The following RUNDC3B variants were observed in gnomAD, a reference collection of about 807,000 sequenced individuals.
RUNDC3B encodes the protein RUN domain containing 3B, also known as RUN domain-containing protein 3B.
RUNDC3B carries 33 observed loss-of-function variants against 58.4 expected under a neutral mutation model. The observed-to-expected ratio is 0.56, with a 90% CI of 0.43 to 0.75. RUNDC3B has a LOEUF of 0.75. Among genes scored for constraint, RUNDC3B ranks in the 30% least tolerant of loss-of-function variants. RUNDC3B has a pLI of 0.00. For synonymous variants in RUNDC3B, 193 were observed against 195.2 expected, an observed-to-expected ratio of 0.99 and a Z score of 0.10; for missense variants, 501 against 535.7, an observed-to-expected ratio of 0.94 and a Z score of 0.64.
chr7:87,775,717 A>G (rs1391565505), intron 7 of RUNDC3B, among the ~76,000 whole-genome samples: 1 of 152,032 alleles, frequency 6.6e-6, no homozygotes, highest in East Asian at 1.9e-4. Context: ...TCCCTTTTCT[A>G]TGTTTAGATA....
chr7:87,659,140 C>A (rs188446121), intron 2 of RUNDC3B: 11 of 371,784 alleles, frequency 3.0e-5, no homozygotes, highest in Admixed American at 1.6e-4. Context: ...CTAGCCTGGG[C>A]AATAGAATGA....
chr7:87,644,764 GAT>G (rs147569892), intron 1 of RUNDC3B, among the ~76,000 whole-genome samples: 4 of 150,912 alleles, frequency 2.7e-5, no homozygotes, highest in African/African-American at 4.9e-5. Context: ...TGTATATATG[GAT>G]ATATATATAT....
chr7:87,770,770 C>T lies in RUNDC3B; in HGVS notation c.798+21C>T, dbSNP rs115906569. The T allele has an allele frequency of 9.9e-4, 1,541 of 1,553,792 alleles. 16 individuals are homozygous for T. In the African/African-American group the frequency reaches 0.017, roughly 18 times the overall value. On this transcript the variant is annotated intron_variant, in intron 7 of 10. Coordinates refer to ENST00000394654, the MANE Select transcript of RUNDC3B (RefSeq NM_001134405.2). ...AGAAGGTATTTTAAAATTATCAAAA[C>T]GTACTTAATTTTATTCTAGTTATTG...
chr7:87,677,449 A>G (rs966730173), intron 2 of RUNDC3B, among the ~76,000 whole-genome samples: 1 of 152,140 alleles, frequency 6.6e-6, no homozygotes, highest in Non-Finnish European at 1.5e-5. Context: ...GATCTCATGT[A>G]TTAGATATGG....
At chr7:87,812,328 G>C (rs1242785960) in intron 9 of RUNDC3B, among the ~76,000 whole-genome samples, 2 of 152,132 alleles carry the variant, frequency 1.3e-5, no homozygotes, top group Admixed American at 6.5e-5. Flanking sequence ...TTTAACAATG[G>C]CTGGGCACAG....
intron 8 of RUNDC3B, among the ~76,000 whole-genome samples, chr7:87,806,654 A>G (rs1490940369): frequency 6.6e-6 from 1 of 152,192 alleles, no homozygotes; most frequent in Non-Finnish European, 1.5e-5. Flanking sequence ...TTCTAAGTTG[A>G]TATTAGGAAG....
chr7:87,742,953 A>G (rs1832425532), intron 6 of RUNDC3B, among the ~76,000 whole-genome samples: 1 of 152,116 alleles, frequency 6.6e-6, no homozygotes, highest in African/African-American at 2.4e-5. Flanking sequence ...CTCTACTAAA[A>G]ATACAAAAAA....
At chr7:87,635,231 C>G (rs1821642052) in intron 1 of RUNDC3B, among the ~76,000 whole-genome samples, 1 of 152,128 alleles carries the variant, frequency 6.6e-6, no homozygotes. Flanking sequence ...CTGCATTGCT[C>G]CACACTCTTC....
At chr7:87,737,484 C>T (rs78598021) in intron 4 of RUNDC3B, among the ~76,000 whole-genome samples, 7,445 of 152,044 alleles carry the variant, frequency 0.049, 269 homozygotes, top group East Asian at 0.091. Context: ...ATTAATTTTT[C>T]GAGACAGCTT....
intron 4 of RUNDC3B, among the ~76,000 whole-genome samples, chr7:87,737,603 T>G (rs1447586468): frequency 1.3e-5 from 2 of 152,122 alleles, no homozygotes; most frequent in African/African-American, 4.8e-5. Flanking sequence ...ATATATTATC[T>G]TAAGCTCAGA....
At chr7:87,799,822 G>C (rs1836029250) in intron 8 of RUNDC3B, among the ~76,000 whole-genome samples, 1 of 149,802 alleles carries the variant, frequency 6.7e-6, no homozygotes, top group African/African-American at 2.5e-5. Flanking sequence ...GAAGGCGGAG[G>C]TTGCAGTGAG....
intron 8 of RUNDC3B, among the ~76,000 whole-genome samples, chr7:87,794,832 C>T (rs1306433558): frequency 6.6e-6 from 1 of 152,104 alleles, no homozygotes; most frequent in Admixed American, 6.6e-5. Flanking sequence ...AATCCACATA[C>T]CTACAGTGAT....
chr7:87,731,094 A>G (rs534254130), intron 4 of RUNDC3B, among the ~76,000 whole-genome samples: 1 of 152,248 alleles, frequency 6.6e-6, no homozygotes, highest in Non-Finnish European at 1.5e-5. Flanking sequence ...ATACTTGGAA[A>G]AACTTGCCAA....
At chr7:87,657,281 G>GA (rs1219312199) in intron 2 of RUNDC3B, among the ~76,000 whole-genome samples, 1 of 151,728 alleles carries the variant, frequency 6.6e-6, no homozygotes, top group Admixed American at 6.6e-5. Flanking sequence ...CAGGCAAAGG[G>GA]AAAAAAACAA....
chr7:87,629,190 GGCTGGAGGAGGATTTGTTTT>G, intron 1 of RUNDC3B: 1 of 379,844 alleles, frequency 2.6e-6, no homozygotes, highest in Non-Finnish European at 4.7e-6. Context: ...CTTGGGGCGG[GGCTGGAGGAGGATTTGTTTT>G]GAATGTGCAA....
chr7:87,683,253 A>G (rs1271960262), intron 2 of RUNDC3B, among the ~76,000 whole-genome samples: 1 of 152,180 alleles, frequency 6.6e-6, no homozygotes, highest in African/African-American at 2.4e-5. Flanking sequence ...AGACCACTCA[A>G]ACTTTCTTCA....
chr7:87,791,334 G>T (rs1835512141), intron 8 of RUNDC3B, among the ~76,000 whole-genome samples: 1 of 152,118 alleles, frequency 6.6e-6, no homozygotes, highest in Admixed American at 6.5e-5. Context: ...AAATGCTGGA[G>T]GGAGATCTTC....
chr7:87,654,768 A>C (rs1393010974), intron 2 of RUNDC3B, among the ~76,000 whole-genome samples: 1 of 152,136 alleles, frequency 6.6e-6, no homozygotes, highest in African/African-American at 2.4e-5. Context: ...GTAAAGAGAC[A>C]ATTTACAAAA....
chr7:87,711,426 C>A (rs1270230669), intron 4 of RUNDC3B, among the ~76,000 whole-genome samples: 1 of 151,702 alleles, frequency 6.6e-6, no homozygotes, highest in African/African-American at 2.4e-5. Context: ...CATTGTTTTT[C>A]TTGGATTGTA....
Sources: gnomAD v4.1 joint callset for allele counts (sites outside exome capture counted in the v4.1 genomes callset) on GRCh38, gnomAD v4.1.1 for gene constraint, MANE v1.5 for transcripts, NCBI Gene and HGNC (gene_info 2026-07-23, HGNC 2026-07-21) for gene names.